RNF175: variants seen among roughly 807,000 people sequenced by gnomAD.
The protein encoded by RNF175 is ring finger protein 175.
A neutral mutation model predicts 50.0 loss-of-function variants in RNF175; 38 were observed. The observed-to-expected ratio is 0.76, with a 90% CI of 0.59 to 1.00. The LOEUF (loss-of-function observed/expected upper bound fraction) is 1.00, where lower values mean the gene tolerates loss of function less well. Ranked by LOEUF, RNF175 falls within the 50% of genes least tolerant of loss-of-function variation. The probability of loss-of-function intolerance (pLI) is 0.00; values close to 1 mark genes in which losing one functional copy is unlikely to be tolerated. For synonymous variants in RNF175, 155 were observed against 146.1 expected, an observed-to-expected ratio of 1.06 and a Z score of -0.44; for missense variants, 388 against 409.6, an observed-to-expected ratio of 0.95 and a Z score of 0.46.
chr4:153,759,854 C>A lies in RNF175; in HGVS notation c.9G>T (p.Ala3=). ...GCGCTGCCTTCCGCGCCGCCGTCCC[C>A]GCGGCCATGCCTGAGCCACTGTGCC... The part of the protein sequence containing the change: MA[A]GTAARKAAPV... The change falls in exon 1 of 9, where the codon GCG becomes GCT. Residue 3 remains alanine (A), a synonymous_variant. Coordinates refer to ENST00000347063, the MANE Select transcript of RNF175 (RefSeq NM_173662.4). 6.9e-7 allele frequency: 1 copy of A among 1,456,110 alleles called. No homozygotes were observed. The allele number at this position is 1,456,110 out of a possible 1,614,324, so 90.2% of individuals were successfully genotyped here.
At chr4:153,754,573 C>T (rs1196508712) in intron 1 of RNF175, among the ~76,000 whole-genome samples, 1 of 152,156 alleles carries the variant, frequency 6.6e-6, no homozygotes, top group African/African-American at 2.4e-5. Flanking sequence ...TGAGTCCTAA[C>T]CCCCAGTACC....
intron 1 of RNF175, among the ~76,000 whole-genome samples, chr4:153,758,995 T>C (rs1740691418): frequency 1.3e-5 from 2 of 152,152 alleles, no homozygotes; most frequent in South Asian, 4.1e-4. Flanking sequence ...TCCTACCCGC[T>C]CTGTGAGTGA....
intron 3 of RNF175, among the ~76,000 whole-genome samples, chr4:153,745,129 G>A (rs1739899836): frequency 6.6e-6 from 1 of 152,158 alleles, no homozygotes; most frequent in South Asian, 2.1e-4. Flanking sequence ...GTTAACTGAG[G>A]ACCTTTTCCC....
chr4:153,726,940 C>T (rs1328792554), intron 4 of RNF175, among the ~76,000 whole-genome samples: 1 of 152,164 alleles, frequency 6.6e-6, no homozygotes, highest in Non-Finnish European at 1.5e-5. Flanking sequence ...ATATGCAAGC[C>T]ATAAAGGGTA....
chr4:153,754,259 G>A (rs1387929242), intron 1 of RNF175, among the ~76,000 whole-genome samples: 1 of 152,108 alleles, frequency 6.6e-6, no homozygotes, highest in East Asian at 1.9e-4. Context: ...GACACCCCAG[G>A]GGACTGGCAG....
chr4:153,758,399 A>G (rs1740659596), intron 1 of RNF175, among the ~76,000 whole-genome samples: 1 of 152,128 alleles, frequency 6.6e-6, no homozygotes, highest in Admixed American at 6.5e-5. Context: ...ATATGGGATT[A>G]AGGGAAAAGC....
chr4:153,748,556 T>G, intron 3 of RNF175, 89 bp downstream of exon 3: 1 of 1,253,570 alleles, frequency 8.0e-7, no homozygotes, highest in Non-Finnish European at 1.1e-6. Flanking sequence ...TCCTTCAAAG[T>G]GCTAACCAAG....
intron 8 of RNF175, among the ~76,000 whole-genome samples, chr4:153,712,142 A>T (rs1252646984): frequency 6.6e-6 from 1 of 152,012 alleles, no homozygotes; most frequent in Admixed American, 6.5e-5. Context: ...CATCCAGTTC[A>T]CTCATTTATT....
At chr4:153,744,590 G>A (rs1739870351) in intron 3 of RNF175, among the ~76,000 whole-genome samples, 1 of 152,132 alleles carries the variant, frequency 6.6e-6, no homozygotes, top group African/African-American at 2.4e-5. Context: ...TCAATTTAGA[G>A]ATAATGATTA....
intron 1 of RNF175, among the ~76,000 whole-genome samples, chr4:153,758,696 C>T (rs1296296442): frequency 2.6e-5 from 4 of 152,140 alleles, no homozygotes; most frequent in Non-Finnish European, 5.9e-5. Flanking sequence ...TATAAGCATT[C>T]CTGACCCCTA....
At chr4:153,728,484 A>C in intron 3 of RNF175, 123 bp from the exon 4 acceptor site, 1 of 740,152 alleles carries the variant, frequency 1.4e-6, no homozygotes, top group Non-Finnish European at 2.2e-6. Flanking sequence ...TGTACCATGC[A>C]ACTGGTTCAC....
At chr4:153,725,410 C>T (rs896759434) in intron 4 of RNF175, among the ~76,000 whole-genome samples, 1 of 152,136 alleles carries the variant, frequency 6.6e-6, no homozygotes, top group Admixed American at 6.5e-5. Flanking sequence ...CTCTACTAGG[C>T]CCCCAACACC....
chr4:153,726,073 ATGTGTGTGTGTG>A (rs10592509), intron 4 of RNF175, among the ~76,000 whole-genome samples: 1 of 148,936 alleles, frequency 6.7e-6, no homozygotes, highest in Non-Finnish European at 1.5e-5. Flanking sequence ...TAGTGTGTGT[ATGTGTGTGTGTG>A]TGTGTGTGTG....
intron 4 of RNF175, among the ~76,000 whole-genome samples, chr4:153,727,945 T>TA (rs1297473374): frequency 6.6e-6 from 1 of 152,218 alleles, no homozygotes; most frequent in Non-Finnish European, 1.5e-5. Flanking sequence ...TTTTAAACAA[T>TA]AGTTTCACTT....
Position 153,748,693 on chromosome 4 carries a change from G to C in RNF175, c.198C>G (p.Ala66=). ...ILIFLCVLVI[A]QIVLVQWRQR... is the part of the protein sequence containing the mutation. Reference sequence around the variant, plus strand: ...GTCTCCACTGAACCAGCACTATCTGGGCAATGACCAGAACGCAGAGGAAGA... The same window carrying C: ...GTCTCCACTGAACCAGCACTATCTGCGCAATGACCAGAACGCAGAGGAAGA... The change falls in exon 3 of 9, where the codon GCC becomes GCG. Residue 66 remains alanine (A), a synonymous_variant. Coordinates refer to ENST00000347063, the MANE Select transcript of RNF175 (RefSeq NM_173662.4). 6.2e-7 allele frequency: 1 copy of C among 1,605,934 alleles called. No individual in the cohort carries two copies. The highest frequency in any genetic ancestry group is 8.5e-7 in the Non-Finnish European group (1 of 1,176,360).
intron 1 of RNF175, among the ~76,000 whole-genome samples, chr4:153,753,375 G>A (rs1346238453): frequency 6.6e-6 from 1 of 152,176 alleles, no homozygotes. Flanking sequence ...CCAGGCATGT[G>A]GAGGGAGAGT....
intron 4 of RNF175, among the ~76,000 whole-genome samples, chr4:153,724,912 G>C (rs1276194199): frequency 2.0e-5 from 3 of 150,828 alleles, no homozygotes; most frequent in Non-Finnish European, 4.4e-5. Context: ...TGAGCTACGT[G>C]GGGGACCAGG....
At chr4:153,738,869 A>G (rs1739494937) in intron 3 of RNF175, among the ~76,000 whole-genome samples, 1 of 152,146 alleles carries the variant, frequency 6.6e-6, no homozygotes, top group African/African-American at 2.4e-5. Flanking sequence ...CTCTATTAGT[A>G]TATCAATTAT....
intron 3 of RNF175, among the ~76,000 whole-genome samples, chr4:153,732,310 G>T (rs1441779945): frequency 6.6e-6 from 1 of 152,014 alleles, no homozygotes; most frequent in Non-Finnish European, 1.5e-5. Flanking sequence ...GCATACAAAG[G>T]TTCCTTAGAA....
Sources: gnomAD v4.1 joint callset for allele counts (sites outside exome capture counted in the v4.1 genomes callset) on GRCh38, gnomAD v4.1.1 for gene constraint, MANE v1.5 for transcripts, NCBI Gene and HGNC (gene_info 2026-07-23, HGNC 2026-07-21) for gene names.